PDE1A: variants seen among roughly 807,000 people sequenced by gnomAD.
PDE1A encodes the protein phosphodiesterase 1A, also known as dual specificity calcium/calmodulin-dependent 3',5'-cyclic nucleotide phosphodiesterase 1A.
PDE1A carries 35 observed loss-of-function variants against 61.7 expected under a neutral mutation model. That is an observed-to-expected ratio of 0.57 (90% CI 0.43 to 0.75). The LOEUF is 0.75. Among genes scored for constraint, PDE1A ranks in the 30% least tolerant of loss-of-function variants. The probability of loss-of-function intolerance (pLI) is 0.00; values close to 1 mark genes in which losing one functional copy is unlikely to be tolerated. For missense variants in PDE1A, 597 were observed against 630.6 expected, an observed-to-expected ratio of 0.95 and a Z score of 0.57; for synonymous variants, 232 against 213.2, an observed-to-expected ratio of 1.09 and a Z score of -0.77.
Position 182,477,639 on chromosome 2 carries a change from G to C in PDE1A, c.101+44637C>G, listed in dbSNP as rs549865571. Among the ~76,000 whole-genome samples, 63 of 151,932 alleles carry C rather than the reference G, an allele frequency of 4.1e-4. 1 individual carries two copies. The South Asian group carries it at 0.011, about 28-fold the overall frequency. ...GGTTAACTGGCATTTGTTTGAAACT[G>C]CACACAAATTTTCACATATTTAATT... On this transcript the variant is annotated intron_variant, in intron 2 of 14. Coordinates refer to the PDE1A transcript ENST00000410103.
At chr2:182,215,344 CAATT>C (rs1688065965) in intron 7 of PDE1A, among the ~76,000 whole-genome samples, 1 of 116,474 alleles carries the variant, frequency 8.6e-6, no homozygotes, top group Admixed American at 9.2e-5. Flanking sequence ...CCTAACCTCA[CAATT>C]AAAAGAACTA....
intron 2 of PDE1A, among the ~76,000 whole-genome samples, chr2:182,449,049 T>TACACAC (rs200893342): frequency 0.023 from 2,127 of 90,630 alleles, 53 homozygotes; most frequent in African/African-American, 0.062. Context: ...ATCATACACA[T>TACACAC]ACACACACAC....
At position 182,205,537 on chromosome 2, in the gene PDE1A, T is replaced by TA. The variant is rs3835906; in HGVS notation, c.902+402dup. Among the ~76,000 whole-genome samples, 222 of 152,230 alleles carry TA rather than the reference T, an allele frequency of 1.5e-3. 3 individuals carry two copies. The East Asian group carries it at 0.02, about 13-fold the overall frequency. ...TTTCCCACGTTTAACTTTTTGTTTT[T>TA]AAAAAAACCTTAACTCCACATCTTT... On this transcript the variant is annotated intron_variant, in intron 8 of 13. Coordinates refer to ENST00000351439, the Ensembl canonical transcript of PDE1A.
At chr2:182,241,494 C>T (rs1338744473) in intron 2 of PDE1A, among the ~76,000 whole-genome samples, 1 of 152,084 alleles carries the variant, frequency 6.6e-6, no homozygotes, top group Non-Finnish European at 1.5e-5. Flanking sequence ...AGGGACAAAA[C>T]AAAGGACAAA....
At chr2:182,460,454 G>A (rs2125761114) in intron 2 of PDE1A, among the ~76,000 whole-genome samples, 1 of 152,220 alleles carries the variant, frequency 6.6e-6, no homozygotes, top group Admixed American at 6.6e-5. Context: ...TCCCAGGCTT[G>A]CCTCTAACTC....
At chr2:182,601,730 G>C in the PDE1A span, among the ~76,000 whole-genome samples, 3 of 152,116 alleles carry the variant, frequency 2.0e-5, no homozygotes, top group African/African-American at 7.2e-5. Flanking sequence ...GGGTTGGGTG[G>C]CTCCTCTCTG....
the PDE1A span, among the ~76,000 whole-genome samples, chr2:182,660,891 A>G: frequency 6.6e-6 from 1 of 152,236 alleles, no homozygotes; most frequent in Non-Finnish European, 1.5e-5. Flanking sequence ...CTCGCCCTGG[A>G]AACCCTGGGA....
intron 2 of PDE1A, among the ~76,000 whole-genome samples, chr2:182,256,665 T>C (rs1418462414): frequency 2.0e-5 from 3 of 152,142 alleles, no homozygotes; most frequent in African/African-American, 7.2e-5. Flanking sequence ...ATATACACCA[T>C]GGAATACTAT....
At chr2:182,547,389 ATG>A in the PDE1A span, among the ~76,000 whole-genome samples, 1 of 152,200 alleles carries the variant, frequency 6.6e-6, no homozygotes, top group Non-Finnish European at 1.5e-5. Context: ...ACCAAAGTTG[ATG>A]TGTTTTAACC....
At chr2:182,608,975 C>T in the PDE1A span, among the ~76,000 whole-genome samples, 1 of 152,186 alleles carries the variant, frequency 6.6e-6, no homozygotes, top group African/African-American at 2.4e-5. Context: ...CACCATGTGT[C>T]TAGCTCAGGG....
At chr2:182,329,408 A>T (rs1290506877) in intron 1 of PDE1A, among the ~76,000 whole-genome samples, 2 of 150,446 alleles carry the variant, frequency 1.3e-5, no homozygotes, top group African/African-American at 4.9e-5. Flanking sequence ...TTTTTTTTGG[A>T]GATGGAGTTT....
chr2:182,367,613 T>G (rs548389406), intron 1 of PDE1A, among the ~76,000 whole-genome samples: 2 of 152,072 alleles, frequency 1.3e-5, no homozygotes, highest in African/African-American at 4.8e-5. Flanking sequence ...AATGTGGCAA[T>G]GTAGCAAAGC....
chr2:182,315,550 T>C (rs1696283639), intron 1 of PDE1A, among the ~76,000 whole-genome samples: 1 of 152,184 alleles, frequency 6.6e-6, no homozygotes, highest in African/African-American at 2.4e-5. Context: ...GAAGAGTTAC[T>C]TCTGGGCTCC....
intron 1 of PDE1A, among the ~76,000 whole-genome samples, chr2:182,422,668 T>C (rs1703354136): frequency 1.3e-5 from 2 of 152,172 alleles, no homozygotes; most frequent in African/African-American, 4.8e-5. Context: ...TTGAATATGT[T>C]ACATCATTTA....
At chr2:182,545,132 G>C in the PDE1A span, among the ~76,000 whole-genome samples, 1 of 152,152 alleles carries the variant, frequency 6.6e-6, no homozygotes, top group Non-Finnish European at 1.5e-5. Flanking sequence ...AAAAAGGAAA[G>C]ACAGACACAA....
intron 1 of PDE1A, among the ~76,000 whole-genome samples, chr2:182,302,379 T>A (rs1182523438): frequency 6.6e-6 from 1 of 152,186 alleles, no homozygotes; most frequent in Non-Finnish European, 1.5e-5. Flanking sequence ...GTCACACAAA[T>A]TTTTTTGTTT....
chr2:182,669,751 T>G, the PDE1A span, among the ~76,000 whole-genome samples: 2 of 152,260 alleles, frequency 1.3e-5, no homozygotes, highest in African/African-American at 4.8e-5. Context: ...TGAATCCACC[T>G]TTTACGCCAT....
the PDE1A span, among the ~76,000 whole-genome samples, chr2:182,588,792 C>T: frequency 6.6e-6 from 1 of 151,926 alleles, no homozygotes; most frequent in African/African-American, 2.4e-5. Context: ...GCCTGTAATC[C>T]CAGCACTTTG....
At chr2:182,526,880 C>G (rs566297633), upstream of PDE1A, among the ~76,000 whole-genome samples, 1 of 152,162 alleles carries the variant, frequency 6.6e-6, no homozygotes, top group African/African-American at 2.4e-5. Flanking sequence ...ACTAATAGAA[C>G]CACACCCTCA....
Sources: gnomAD v4.1 joint callset for allele counts (sites outside exome capture counted in the v4.1 genomes callset) on GRCh38, gnomAD v4.1.1 for gene constraint, MANE v1.5 for transcripts, NCBI Gene and HGNC (gene_info 2026-07-23, HGNC 2026-07-21) for gene names.